NHSL1: variants seen among roughly 807,000 people sequenced by gnomAD.
NHSL1 encodes the protein NHS like 1.
Under a neutral mutation model 95.0 loss-of-function variants are expected in NHSL1, and 48 were observed. The ratio of observed to expected loss-of-function variants is 0.51; its 90% CI spans 0.40 to 0.64. The LOEUF is 0.64. Among genes scored for constraint, NHSL1 ranks in the 30% least tolerant of loss-of-function variants. NHSL1 has a pLI of 0.00. For synonymous variants in NHSL1, 783 were observed against 833.9 expected (o/e 0.94, Z 1.05); for missense variants, 1,971 against 2,077.7 (o/e 0.95, Z 1.00).
intron 1 of NHSL1, among the ~76,000 whole-genome samples, chr6:138,648,674 C>T (rs928449195): frequency 3.3e-5 from 5 of 152,214 alleles, no homozygotes; most frequent in East Asian, 1.9e-4. Flanking sequence ...ACTTATGCCA[C>T]ACACAGAAAG....
chr6:138,430,650 G>C lies in NHSL1; in HGVS notation c.3695C>G (p.Thr1232Arg), dbSNP rs1347696927. The change falls in exon 6 of 8, where the codon ACG becomes AGG. Residue 1232 changes from threonine (T) to arginine (R), a missense_variant. Physicochemically the swap from Thr to Arg is moderately conservative, Grantham distance 71 (BLOSUM62 -1). Around this residue, in one of 3 missense-constraint regions of NHSL1, gnomAD observed 1,602 missense variants for 1,654.5 expected, o/e 0.97. Transcript: ENST00000343505. The surrounding 1 kb of genome is among the most constrained non-coding windows in gnomAD (Gnocchi z 4.7). The part of the protein sequence containing the change: ...EALRAVPSPT[T>R]GEEGSVHSRE... ...GCTGTGCACAGAGCCCTCCTCTCCCGTCGTGGGGCTGGGCACAGCTCGGAG... is the reference window on the plus strand; with the variant it reads ...GCTGTGCACAGAGCCCTCCTCTCCCCTCGTGGGGCTGGGCACAGCTCGGAG... The C allele has an allele frequency of 6.4e-7, 1 of 1,551,586 alleles. No homozygotes were observed. Among genetic ancestry groups the C allele is most frequent in the Non-Finnish European group, 8.7e-7 (1 of 1,147,016 alleles).
At position 138,569,061 on chromosome 6, in the gene NHSL1, G is replaced by A. The variant is rs114219193; in HGVS notation, c.202+2649C>T. Among the ~76,000 whole-genome samples, 762 of 152,264 alleles carry A rather than the reference G, an allele frequency of 5.0e-3. 9 individuals are homozygous for A. Among genetic ancestry groups the A allele is most frequent in the African/African-American group, 0.017 (722 of 41,544 alleles). On this transcript the variant is annotated intron_variant, in intron 1 of 6. Transcript: ENST00000427025. ...GGTGCAAAGCATACCTGGAGACAGC[G>A]GGCAGGGAACAGGCAAGCAGTGTGG...
At chr6:138,591,859 A>G (rs538451113) in intron 1 of NHSL1, among the ~76,000 whole-genome samples, 7 of 152,310 alleles carry the variant, frequency 4.6e-5, no homozygotes, top group East Asian at 1.9e-4. Flanking sequence ...CTGTGGACAC[A>G]CACTCTCCTG....
At chr6:138,449,037 A>G (rs985416025) in intron 3 of NHSL1, among the ~76,000 whole-genome samples, 1 of 148,386 alleles carries the variant, frequency 6.7e-6, no homozygotes, top group African/African-American at 2.5e-5. Flanking sequence ...GGGCAACAAG[A>G]GCAAAATTCT....
intron 1 of NHSL1, among the ~76,000 whole-genome samples, chr6:138,618,707 T>C (rs1324365191): frequency 2.0e-5 from 3 of 152,160 alleles, no homozygotes; most frequent in African/African-American, 7.2e-5. Flanking sequence ...CTTCTGCCTA[T>C]CTAGAATCAT....
chr6:138,677,625 A>C (rs1452275907), intron 1 of NHSL1, among the ~76,000 whole-genome samples: 1 of 152,288 alleles, frequency 6.6e-6, no homozygotes, highest in East Asian at 1.9e-4. Flanking sequence ...ACCCTCTGGA[A>C]ATTTAGTGTT....
intron 2 of NHSL1, among the ~76,000 whole-genome samples, chr6:138,485,686 T>C (rs539028168): frequency 7.0e-4 from 107 of 152,320 alleles, no homozygotes; most frequent in African/African-American, 2.4e-3. Context: ...TTTTTGTATA[T>C]AATTCCCATT....
chr6:138,566,213 C>T (rs191890827), intron 1 of NHSL1, among the ~76,000 whole-genome samples: 2 of 152,090 alleles, frequency 1.3e-5, no homozygotes, highest in African/African-American at 4.8e-5. Flanking sequence ...GCCTGGCCAA[C>T]ATGGTGAAAC....
Position 138,478,055 on chromosome 6 carries a change from G to A in NHSL1, c.212-4622C>T, listed in dbSNP as rs529746690. ...TTTTTTTTTTTTGAGACTGAGTTTCGCTTTTTTTGCCCAGGCTGGAACAGA... is the reference window on the plus strand; with the variant it reads ...TTTTTTTTTTTTGAGACTGAGTTTCACTTTTTTTGCCCAGGCTGGAACAGA... On this transcript the variant is annotated intron_variant, in intron 2 of 7. Coordinates refer to ENST00000343505, the MANE Select transcript of NHSL1 (RefSeq NM_001144060.2). Among the ~76,000 whole-genome samples the A allele has an allele frequency of 1.9e-4, 8 of 41,340 alleles. No homozygotes were observed. In the East Asian group the frequency reaches 2.8e-3, roughly 15 times the overall value. The allele number at this position is 41,340 out of a possible 152,430, so 27.1% of individuals were successfully genotyped here. A position where few individuals can be genotyped will look rare whatever the true frequency, so the allele number is the denominator to read the frequency against.
intron 1 of NHSL1, among the ~76,000 whole-genome samples, chr6:138,590,021 A>G (rs1784201227): frequency 6.6e-6 from 1 of 151,796 alleles, no homozygotes; most frequent in African/African-American, 2.4e-5. Flanking sequence ...ACTTTGAGAC[A>G]GGGTCTCACT....
intron 1 of NHSL1, among the ~76,000 whole-genome samples, chr6:138,560,320 C>T (rs2114277585): frequency 6.6e-6 from 1 of 152,248 alleles, no homozygotes; most frequent in East Asian, 1.9e-4. Flanking sequence ...AAGACAGAAA[C>T]CCCAACCTCG....
At chr6:138,663,265 T>G (rs1048445101) in intron 1 of NHSL1, among the ~76,000 whole-genome samples, 1 of 152,028 alleles carries the variant, frequency 6.6e-6, no homozygotes, top group African/African-American at 2.4e-5. Context: ...TGTCTGTGTA[T>G]ATTAAAAATT....
intron 3 of NHSL1, among the ~76,000 whole-genome samples, chr6:138,460,693 G>A (rs916782710): frequency 2.0e-5 from 3 of 151,960 alleles, no homozygotes; most frequent in African/African-American, 4.8e-5. Context: ...CATGGATACT[G>A]AGGGATTACT....
chr6:138,435,000 G>A (rs528161548), intron 5 of NHSL1, among the ~76,000 whole-genome samples: 1 of 152,082 alleles, frequency 6.6e-6, no homozygotes, highest in Non-Finnish European at 1.5e-5. Flanking sequence ...TATTTTTAGC[G>A]AAGATGATCT....
At chr6:138,524,147 G>A (rs1583353350) in intron 1 of NHSL1, among the ~76,000 whole-genome samples, 3 of 152,286 alleles carry the variant, frequency 2.0e-5, no homozygotes, top group African/African-American at 2.4e-5. Context: ...TACCTCTGAA[G>A]AATGAGCACT....
At chr6:138,509,812 C>A (rs528486126) in intron 1 of NHSL1, among the ~76,000 whole-genome samples, 2 of 152,294 alleles carry the variant, frequency 1.3e-5, no homozygotes, top group South Asian at 4.1e-4. Flanking sequence ...CTAGTGTCTG[C>A]AACCAAGCCC....
At chr6:138,609,322 C>T (rs139295902) in intron 1 of NHSL1, among the ~76,000 whole-genome samples, 5 of 152,096 alleles carry the variant, frequency 3.3e-5, no homozygotes, top group African/African-American at 7.2e-5. Flanking sequence ...GACGCAGAGT[C>T]GAGGCTGCTT....
At chr6:138,559,018 C>G (rs1783309857) in intron 1 of NHSL1, among the ~76,000 whole-genome samples, 1 of 151,570 alleles carries the variant, frequency 6.6e-6, no homozygotes, top group South Asian at 2.1e-4. Context: ...CACTGCACTC[C>G]AGCCTGGACG....
At chr6:138,610,138 C>A (rs1784490047) in intron 1 of NHSL1, among the ~76,000 whole-genome samples, 1 of 152,176 alleles carries the variant, frequency 6.6e-6, no homozygotes, top group Admixed American at 6.5e-5. Flanking sequence ...AAAATGTCCC[C>A]TTCCGAGCCA....
Sources: allele counts gnomAD v4.1 joint callset (sites outside exome capture counted in the v4.1 genomes callset), GRCh38; gene constraint gnomAD v4.1.1; regional missense constraint gnomAD v4.1.1; non-coding constraint Gnocchi (gnomAD v3.1); transcripts MANE v1.5; gene names NCBI Gene and HGNC (gene_info 2026-07-23, HGNC 2026-07-21).